Variants in SRPK2 observed in about 807,000 individuals in gnomAD.
SRPK2 encodes the protein SFRS protein kinase 2.
Under a neutral mutation model 90.8 loss-of-function variants are expected in SRPK2, and 21 were observed. The observed-to-expected ratio is 0.23, with a 90% confidence interval of 0.16 to 0.33. SRPK2 has a LOEUF of 0.33. SRPK2 is among the 10% of genes least tolerant of loss of function. The pLI is 1.00. For missense variants in SRPK2, 620 were observed against 869.0 expected (o/e 0.71, Z 3.60); for synonymous variants, 288 against 311.1 (o/e 0.93, Z 0.78).
At chr7:105,340,539 G>C (rs1815643063) in intron 2 of SRPK2, among the ~76,000 whole-genome samples, 1 of 151,620 alleles carries the variant, frequency 6.6e-6, no homozygotes, top group African/African-American at 2.4e-5. Flanking sequence ...AAGCTCCCAA[G>C]TAGGTGGGAA....
intron 2 of SRPK2, among the ~76,000 whole-genome samples, chr7:105,250,839 T>C (rs561652753): frequency 6.6e-6 from 1 of 152,296 alleles, no homozygotes; most frequent in Non-Finnish European, 1.5e-5. Context: ...ACTACTATGA[T>C]AATCAGCTCC....
intron 2 of SRPK2, among the ~76,000 whole-genome samples, chr7:105,373,650 G>C (rs148386642): frequency 6.6e-6 from 1 of 151,724 alleles, no homozygotes; most frequent in African/African-American, 2.4e-5. Flanking sequence ...TGATCCGCTC[G>C]CTTCGGCCTC....
intron 2 of SRPK2, chr7:105,244,736 C>T: frequency 2.7e-6 from 3 of 1,114,350 alleles, no homozygotes; most frequent in Non-Finnish European, 2.7e-6. Flanking sequence ...GCACAGCCGC[C>T]GCCGCGGGCG....
At chr7:105,319,865 T>G (rs1226127333) in intron 2 of SRPK2, among the ~76,000 whole-genome samples, 1 of 151,710 alleles carries the variant, frequency 6.6e-6, no homozygotes, top group African/African-American at 2.4e-5. Context: ...CCCCCCTTTT[T>G]TTTTTTTTTT....
Position 105,342,434 on chromosome 7 carries a change from T to C in SRPK2, c.71+46214A>G, listed in dbSNP as rs532654958. Among the ~76,000 whole-genome samples, 5 of 152,196 alleles carry C rather than the reference T, an allele frequency of 3.3e-5. No homozygotes were observed. In the South Asian group the frequency reaches 1.0e-3, roughly 32 times the overall value. ...AACATTCCTAGGACTGTCCAGCTTA[T>C]TAGCGTTAAAATTACTGCTATGTCA... is the stretch of plus-strand genomic sequence containing the variant. On this transcript the variant is annotated intron_variant, in intron 2 of 15. Coordinates refer to ENST00000393651, the MANE Select transcript of SRPK2 (RefSeq NM_182692.3).
At chr7:105,318,409 T>C (rs541490113) in intron 2 of SRPK2, among the ~76,000 whole-genome samples, 9 of 152,352 alleles carry the variant, frequency 5.9e-5, no homozygotes, top group African/African-American at 2.2e-4. Context: ...AATATGCTAT[T>C]TGTTAACATA....
chr7:105,189,341 C>A, intron 3 of SRPK2: 1 of 160,394 alleles, frequency 6.2e-6, no homozygotes, highest in Non-Finnish European at 1.4e-5. Context: ...AAGGCCCTGG[C>A]CTATGGTGAC....
chr7:105,331,355 A>C (rs1172160343), intron 2 of SRPK2, among the ~76,000 whole-genome samples: 1 of 150,014 alleles, frequency 6.7e-6, no homozygotes, highest in Non-Finnish European at 1.5e-5. Flanking sequence ...TTATTACACA[A>C]TTAATCTGGA....
chr7:105,198,351 C>G (rs1027396405), intron 3 of SRPK2, among the ~76,000 whole-genome samples: 7 of 150,232 alleles, frequency 4.7e-5, no homozygotes, highest in Non-Finnish European at 1.0e-4. Context: ...GTTTTTTTTG[C>G]TCAAACTCAT....
At chr7:105,261,965 G>C (rs1197890737) in intron 2 of SRPK2, among the ~76,000 whole-genome samples, 1 of 152,144 alleles carries the variant, frequency 6.6e-6, no homozygotes, top group Non-Finnish European at 1.5e-5. Context: ...AGGCTGGAGA[G>C]GGAGATGAGG....
At chr7:105,323,999 G>GTGTGTGTGTC (rs1585707684) in intron 2 of SRPK2, among the ~76,000 whole-genome samples, 1 of 147,640 alleles carries the variant, frequency 6.8e-6, no homozygotes, top group East Asian at 1.9e-4. Flanking sequence ...GTGTGTGTGT[G>GTGTGTGTGTC]TGTGTGTGTG....
chr7:105,133,459 C>T (rs544146136), intron 11 of SRPK2, among the ~76,000 whole-genome samples: 3 of 152,278 alleles, frequency 2.0e-5, no homozygotes, highest in African/African-American at 4.8e-5. Flanking sequence ...CATCCCTTCA[C>T]GGCCCAGATC....
At chr7:105,194,280 T>C (rs957985204) in intron 3 of SRPK2, among the ~76,000 whole-genome samples, 2 of 152,102 alleles carry the variant, frequency 1.3e-5, no homozygotes, top group South Asian at 2.1e-4. Context: ...AAAAACTACA[T>C]ATTCACTGTA....
At chr7:105,302,692 G>T (rs1355366445) in intron 2 of SRPK2, among the ~76,000 whole-genome samples, 1 of 151,896 alleles carries the variant, frequency 6.6e-6, no homozygotes, top group African/African-American at 2.4e-5. Flanking sequence ...CTCTTGATTT[G>T]GGTCAAGATG....
At chr7:105,199,895 TTA>T (rs773275005) in intron 3 of SRPK2, among the ~76,000 whole-genome samples, 34 of 49,114 alleles carry the variant, frequency 6.9e-4, no homozygotes, top group Non-Finnish European at 9.7e-4. Context: ...ATTGTTTAAT[TTA>T]AAAAAAAAAA....
Position 105,142,983 on chromosome 7 carries a change from T to C in SRPK2, c.1060+101A>G. On this transcript the variant is annotated intron_variant, in intron 10 of 15. Coordinates refer to ENST00000393651, the MANE Select transcript of SRPK2 (RefSeq NM_182692.3). ...GAGTTGGAGAGAATCATCCTTGTCA[T>C]CTGCAGCAGCAGCACAAATCAGCCC... 7 of 1,458,180 alleles carry C rather than the reference T, an allele frequency of 4.8e-6. No homozygotes were observed. The South Asian group carries it at 8.5e-5, about 18-fold the overall frequency. 90.3% of individuals were successfully genotyped at this position (1,458,180 alleles called of 1,614,324 possible).
At chr7:105,127,143 C>A in intron 13 of SRPK2, 81 bp from the exon 14 acceptor site, 1 of 1,342,538 alleles carries the variant, frequency 7.4e-7, no homozygotes, top group East Asian at 2.3e-5. Context: ...TAGAAGAGAC[C>A]GCCACTTTAT....
rs149014564 is a variant in SRPK2, at chr7:105,218,547, G to A, written c.72-14762C>T. On this transcript the variant is annotated intron_variant, in intron 2 of 15. Transcript: ENST00000393651. ...GTAAGGAAAGTAGATACAAATAGAC[G>A]TAGGTAAAGAAAGGCAGATAGAAAT... 3.4e-3 allele frequency among the ~76,000 whole-genome samples: 520 copies of A among 152,248 alleles called. 1 individual carries two copies. Among genetic ancestry groups the A allele is most frequent in the African/African-American group, 0.012 (502 of 41,544 alleles).
chr7:105,249,762 T>G (rs920060854), intron 2 of SRPK2, among the ~76,000 whole-genome samples: 4 of 152,218 alleles, frequency 2.6e-5, no homozygotes, highest in South Asian at 2.1e-4. Context: ...CAATAATAGT[T>G]AAATGCTTTT....
Sources: allele counts gnomAD v4.1 joint callset (sites outside exome capture counted in the v4.1 genomes callset), GRCh38; gene constraint gnomAD v4.1.1; transcripts MANE v1.5; gene names NCBI Gene and HGNC (gene_info 2026-07-23, HGNC 2026-07-21).